Variants in SWT1 observed in about 807,000 individuals in gnomAD.
SWT1 encodes the protein SWT1 RNA endoribonuclease homolog, also known as transcriptional protein SWT1.
A neutral mutation model predicts 107.3 loss-of-function variants in SWT1; 33 were observed. The ratio of observed to expected loss-of-function variants is 0.31; its 90% CI spans 0.23 to 0.41. SWT1 has a LOEUF of 0.41. SWT1 is among the 10% of genes least tolerant of loss of function. The probability of loss-of-function intolerance (pLI) is 1.00; values close to 1 mark genes in which losing one functional copy is unlikely to be tolerated. For synonymous variants in SWT1, 345 were observed against 348.3 expected, an observed-to-expected ratio of 0.99 and a Z score of 0.11; for missense variants, 898 against 1,028.9, an observed-to-expected ratio of 0.87 and a Z score of 1.74.
chr1:185,173,186 C>T (rs990736413), intron 4 of SWT1, among the ~76,000 whole-genome samples: 5 of 151,932 alleles, frequency 3.3e-5, no homozygotes, highest in Non-Finnish European at 7.4e-5. Flanking sequence ...ATTCTAGAAT[C>T]TTAGTAGTTT....
chr1:185,286,471 GC>G (rs1490621310), intron 18 of SWT1, among the ~76,000 whole-genome samples: 1 of 151,986 alleles, frequency 6.6e-6, no homozygotes, highest in Non-Finnish European at 1.5e-5. Context: ...TGATCTGCCC[GC>G]CTCAGCCTCC....
chr1:185,210,668 T>C (rs1378756605), intron 13 of SWT1, among the ~76,000 whole-genome samples: 1 of 152,142 alleles, frequency 6.6e-6, no homozygotes, highest in Non-Finnish European at 1.5e-5. Flanking sequence ...ACCACTCCTA[T>C]TGAACATAGT....
At position 185,202,504 on chromosome 1, in the gene SWT1, C is replaced by T. The variant is rs1657965054; in HGVS notation, c.1524-150C>T. On this transcript the variant is annotated intron_variant, in intron 10 of 18. Transcript: ENST00000367500. Reference sequence around the variant, plus strand: ...TTAGAATGGTGCCTAGTACCCAAAGCTCATATTTTTTTAAAAAAGTTGTTA... The same window carrying T: ...TTAGAATGGTGCCTAGTACCCAAAGTTCATATTTTTTTAAAAAAGTTGTTA... The T allele has an allele frequency of 6.1e-6, 3 of 491,292 alleles. No homozygotes were observed. The South Asian group carries it at 9.9e-5, about 16-fold the overall frequency. The allele number at this position is 491,292 out of a possible 1,614,324, so 30.4% of individuals were successfully genotyped here.
At chr1:185,252,853 T>C (rs1662147980) in intron 16 of SWT1, among the ~76,000 whole-genome samples, 2 of 149,794 alleles carry the variant, frequency 1.3e-5, no homozygotes, top group South Asian at 2.1e-4. Context: ...ATGAAGTCCT[T>C]GCCCATGCCT....
intron 16 of SWT1, chr1:185,266,557 G>A (rs1413178949): frequency 2.6e-5 from 4 of 151,652 alleles, no homozygotes; most frequent in South Asian, 4.2e-4. Context: ...CTTGAGTGGC[G>A]GTTTATCACA....
chr1:185,225,383 C>A (rs950580387), intron 15 of SWT1, among the ~76,000 whole-genome samples: 1 of 151,884 alleles, frequency 6.6e-6, no homozygotes, highest in Non-Finnish European at 1.5e-5. Context: ...ATTTTCTTGC[C>A]GTGTCCTTGT....
chr1:185,188,719 A>G (rs1656700605), intron 9 of SWT1, among the ~76,000 whole-genome samples: 1 of 152,224 alleles, frequency 6.6e-6, no homozygotes. Flanking sequence ...AGTTGAGAGA[A>G]AAATGATTAT....
chr1:185,278,008 G>C (rs1664360060), intron 18 of SWT1, among the ~76,000 whole-genome samples: 1 of 149,486 alleles, frequency 6.7e-6, no homozygotes, highest in African/African-American at 2.5e-5. Context: ...GTCTTTTTTT[G>C]AGGCAGGGTC....
intron 3 of SWT1, among the ~76,000 whole-genome samples, chr1:185,167,032 T>G (rs776135264): frequency 5.3e-5 from 8 of 152,084 alleles, no homozygotes; most frequent in Non-Finnish European, 8.8e-5. Context: ...CTCAGGCTCC[T>G]TAGTAGCTGG....
intron 16 of SWT1, chr1:185,266,768 T>C (rs1663430104): frequency 6.6e-6 from 1 of 152,136 alleles, no homozygotes; most frequent in African/African-American, 2.4e-5. Flanking sequence ...TAATTGTTCA[T>C]GGATAAATAG....
rs760806905 is a variant in SWT1 at position 185,184,261 on chromosome 1, G to T, written c.1157G>T (p.Arg386Ile). 1.3e-6 allele frequency: 2 copies of T among 1,550,384 alleles called. No individual in the cohort carries two copies. Among genetic ancestry groups the T allele is most frequent in the South Asian group, 1.2e-5 (1 of 84,106 alleles). ...HSSSANNTSD[R>I]KLLIVIDTNI... ...TCTTTAGCAAATAATACTTCAGACA[G>T]AAAGCTTCTAATTGTTATTGACACA... The change falls in exon 8 of 19, where the codon AGA becomes ATA. Residue 386 changes from arginine to isoleucine, a missense_variant. By Grantham distance (97) the Arg-to-Ile change is moderately conservative. This residue lies in a region of SWT1 where 94 missense variants were observed against 114.5 expected (regional missense o/e 0.82). Transcript: ENST00000367500.
At chr1:185,256,222 T>G (rs1662500445) in intron 16 of SWT1, among the ~76,000 whole-genome samples, 1 of 151,948 alleles carries the variant, frequency 6.6e-6, no homozygotes, top group South Asian at 2.1e-4. Flanking sequence ...CATTTTTTCC[T>G]TCATTTCAAG....
intron 16 of SWT1, 101 bp from the exon 17 acceptor site, chr1:185,271,222 G>T: frequency 1.5e-6 from 1 of 666,744 alleles, no homozygotes; most frequent in Non-Finnish European, 2.7e-6. Flanking sequence ...TAAACAATAA[G>T]TTACCTCTTG....
intron 13 of SWT1, among the ~76,000 whole-genome samples, chr1:185,211,950 G>T (rs988982893): frequency 1.2e-4 from 18 of 151,932 alleles, no homozygotes; most frequent in East Asian, 7.7e-4. Context: ...GCAAACTATC[G>T]CAAGGACAAA....
intron 7 of SWT1, 22 bp from the exon 8 acceptor site, chr1:185,184,221 A>G: frequency 8.0e-7 from 1 of 1,242,674 alleles, no homozygotes; most frequent in Non-Finnish European, 1.2e-6. Flanking sequence ...AGTGTCATGA[A>G]ATATTTGCTC....
At position 185,271,362 on chromosome 1, in the gene SWT1, C is replaced by T. The variant is rs935854506; in HGVS notation, c.2481C>T (p.Thr827=). The T allele has an allele frequency of 4.0e-6, 6 of 1,517,988 alleles. No homozygotes were observed. The highest frequency in any genetic ancestry group is 5.5e-6 in the Non-Finnish European group (6 of 1,095,114). 94.0% of individuals were successfully genotyped at this position (1,517,988 alleles called of 1,614,324 possible). ...ACAGTAATTATCAAGATGTTGAGAC[C>T]CTCTATAACTTCCTAATCAAGTATG... is the stretch of plus-strand genomic sequence containing the variant. ...APNSNYQDVE[T]LYNFLIKYEV... The change falls in exon 17 of 19, where the codon ACC becomes ACT. Residue 827 remains threonine, a synonymous_variant. Coordinates refer to ENST00000367500, the MANE Select transcript of SWT1 (RefSeq NM_017673.7).
Position 185,184,945 on chromosome 1 carries a change from T to C in SWT1, c.1429+14T>C. 1 of 1,432,906 alleles carries C rather than the reference T, an allele frequency of 7.0e-7. No homozygotes were observed. Among genetic ancestry groups the C allele is most frequent in the Non-Finnish European group, 9.2e-7 (1 of 1,088,322 alleles). 88.8% of individuals were successfully genotyped at this position (1,432,906 alleles called of 1,614,324 possible). On this transcript the variant is annotated intron_variant, in intron 9 of 18. Coordinates refer to ENST00000367500, the MANE Select transcript of SWT1 (RefSeq NM_017673.7). ...CCCAAAAACATTGTAAGTATTGTTC[T>C]CTCAGAGTGCCTCCTGATTAATACT...
chr1:185,226,007 G>T (rs1660025113), intron 15 of SWT1, among the ~76,000 whole-genome samples: 2 of 151,226 alleles, frequency 1.3e-5, no homozygotes, highest in African/African-American at 4.9e-5. Context: ...TAAAGCAAAG[G>T]TTTTTTTTTG....
chr1:185,241,097 TTTAC>T (rs1345287393), intron 16 of SWT1, among the ~76,000 whole-genome samples: 1 of 151,930 alleles, frequency 6.6e-6, no homozygotes, highest in Non-Finnish European at 1.5e-5. Flanking sequence ...TAGGTCATCC[TTTAC>T]TTTACACAAA....
Sources: allele counts gnomAD v4.1 joint callset (sites outside exome capture counted in the v4.1 genomes callset), GRCh38; gene constraint gnomAD v4.1.1; regional missense constraint gnomAD v4.1.1; transcripts MANE v1.5; gene names NCBI Gene and HGNC (gene_info 2026-07-23, HGNC 2026-07-21).